The following PDGFC variants were observed in gnomAD, a reference collection of about 807,000 sequenced individuals.
The protein encoded by PDGFC is platelet derived growth factor C, also known as platelet-derived growth factor C.
In PDGFC, 12 loss-of-function variants were observed where a neutral mutation model predicts 35.5. The ratio of observed to expected loss-of-function variants is 0.34; its 90% CI spans 0.22 to 0.55. PDGFC has a LOEUF of 0.55. PDGFC is among the 20% of genes least tolerant of loss of function. The pLI is 0.91. For synonymous variants in PDGFC, 159 were observed against 148.8 expected (o/e 1.07, Z -0.50); for missense variants, 322 against 412.4 (o/e 0.78, Z 1.90).
chr4:156,892,256 G>C (rs1234060664), intron 1 of PDGFC, among the ~76,000 whole-genome samples: 1 of 152,162 alleles, frequency 6.6e-6, no homozygotes, highest in African/African-American at 2.4e-5. Context: ...AATAATCACA[G>C]TGAGTTTTCT....
chr4:156,902,353 C>A (rs1451970839), intron 1 of PDGFC, among the ~76,000 whole-genome samples: 1 of 152,110 alleles, frequency 6.6e-6, no homozygotes, highest in Non-Finnish European at 1.5e-5. Context: ...TAAAATGAAA[C>A]TAACATAAAG....
intron 1 of PDGFC, among the ~76,000 whole-genome samples, chr4:156,941,810 C>G (rs1159548517): frequency 1.3e-5 from 2 of 151,772 alleles, no homozygotes; most frequent in Admixed American, 6.6e-5. Flanking sequence ...TTCTGAGAGT[C>G]CTGAGATATG....
chr4:156,770,088 G>C (rs941958142), intron 4 of PDGFC: 2 of 151,984 alleles, frequency 1.3e-5, no homozygotes, highest in Non-Finnish European at 2.9e-5. Context: ...TAAAAGGTTA[G>C]ACAGATTTCC....
chr4:156,854,561 T>C lies in PDGFC; in HGVS notation c.119-4145A>G, dbSNP rs535791048. On this transcript the variant is annotated intron_variant, in intron 1 of 5. Coordinates refer to ENST00000502773, the MANE Select transcript of PDGFC (RefSeq NM_016205.3). ...AGGTTTGCCACCAAACACTTATGAT[T>C]TGCAGATGACTGTCAAAGTTTTATG... Among the ~76,000 whole-genome samples, 25 of 152,260 alleles carry C rather than the reference T, an allele frequency of 1.6e-4. No homozygotes were observed. The South Asian group carries it at 5.2e-3, about 32-fold the overall frequency.
intron 3 of PDGFC, among the ~76,000 whole-genome samples, chr4:156,778,871 T>C (rs944614210): frequency 6.6e-6 from 1 of 152,214 alleles, no homozygotes; most frequent in Non-Finnish European, 1.5e-5. Flanking sequence ...ATAGTACACT[T>C]CAAACTGATA....
At chr4:156,855,479 T>A (rs1729552018) in intron 1 of PDGFC, among the ~76,000 whole-genome samples, 1 of 152,206 alleles carries the variant, frequency 6.6e-6, no homozygotes, top group African/African-American at 2.4e-5. Flanking sequence ...ATTCTGCTCC[T>A]CTGTTTCATG....
At chr4:156,967,973 A>G (rs1250614052) in intron 1 of PDGFC, among the ~76,000 whole-genome samples, 1 of 152,234 alleles carries the variant, frequency 6.6e-6, no homozygotes, top group Non-Finnish European at 1.5e-5. Context: ...TTTGTACAGT[A>G]AAAGTGGCAA....
Position 156,831,537 on chromosome 4 carries a change from G to T in PDGFC, c.314+18684C>A, listed in dbSNP as rs370881498. On this transcript the variant is annotated intron_variant, in intron 2 of 5. Coordinates refer to ENST00000502773, the MANE Select transcript of PDGFC (RefSeq NM_016205.3). ...CGACTCACTGCAACCTCCACCTCCCGAGTTACAGCAATTCTCCTGCCTCAG... is the reference window on the plus strand; with the variant it reads ...CGACTCACTGCAACCTCCACCTCCCTAGTTACAGCAATTCTCCTGCCTCAG... 2.2e-5 allele frequency among the ~76,000 whole-genome samples: 3 copies of T among 136,872 alleles called. No homozygotes were observed. The Admixed American group carries it at 2.4e-4, about 11-fold the overall frequency. 89.8% of individuals were successfully genotyped at this position (136,872 alleles called of 152,430 possible).
At chr4:156,845,657 G>A (rs1729308854) in intron 2 of PDGFC, among the ~76,000 whole-genome samples, 1 of 151,778 alleles carries the variant, frequency 6.6e-6, no homozygotes, top group African/African-American at 2.4e-5. Context: ...CTGTGGAAGA[G>A]GCCAATTTTG....
At chr4:156,840,705 C>A (rs1729180988) in intron 2 of PDGFC, among the ~76,000 whole-genome samples, 1 of 152,160 alleles carries the variant, frequency 6.6e-6, no homozygotes, top group Non-Finnish European at 1.5e-5. Flanking sequence ...CCTTTGAGAG[C>A]AGCTGAGAGT....
intron 2 of PDGFC, among the ~76,000 whole-genome samples, chr4:156,816,257 T>C (rs146386503): frequency 6.6e-6 from 1 of 152,136 alleles, no homozygotes; most frequent in Non-Finnish European, 1.5e-5. Context: ...AACAAATGAA[T>C]GTGGATTTTA....
intron 1 of PDGFC, chr4:156,861,560 T>C: frequency 2.0e-6 from 1 of 493,472 alleles, no homozygotes; most frequent in Non-Finnish European, 3.5e-6. Flanking sequence ...TGGTTCAGAA[T>C]CTTCAATTTC....
At chr4:156,850,670 C>T (rs187337405) in intron 1 of PDGFC, among the ~76,000 whole-genome samples, 184 of 152,124 alleles carry the variant, frequency 1.2e-3, no homozygotes, top group African/African-American at 3.5e-3. Flanking sequence ...ATTACTGAAA[C>T]GTCAACTACA....
chr4:156,957,421 G>T (rs2110959601), intron 1 of PDGFC, among the ~76,000 whole-genome samples: 1 of 151,856 alleles, frequency 6.6e-6, no homozygotes, highest in Non-Finnish European at 1.5e-5. Context: ...GCTACTCATT[G>T]GTCTTCATTT....
intron 3 of PDGFC, among the ~76,000 whole-genome samples, chr4:156,792,029 A>T (rs72974664): frequency 1.3e-5 from 2 of 152,226 alleles, no homozygotes; most frequent in South Asian, 4.1e-4. Context: ...AGGGATATTT[A>T]AAAAGCAATT....
intron 3 of PDGFC, among the ~76,000 whole-genome samples, chr4:156,781,180 T>C (rs1730970824): frequency 6.6e-6 from 1 of 152,178 alleles, no homozygotes; most frequent in South Asian, 2.1e-4. Context: ...ACTTTGCTCC[T>C]CTCTTTTCTG....
At chr4:156,883,640 C>A (rs146695001) in intron 1 of PDGFC, among the ~76,000 whole-genome samples, 63 of 152,262 alleles carry the variant, frequency 4.1e-4, no homozygotes, top group African/African-American at 1.5e-3. Flanking sequence ...TACTACTATA[C>A]ATCATTGAAC....
At chr4:156,781,531 C>T (rs1043166427) in intron 3 of PDGFC, among the ~76,000 whole-genome samples, 6 of 152,084 alleles carry the variant, frequency 3.9e-5, no homozygotes, top group African/African-American at 9.7e-5. Context: ...AATGGAAGGG[C>T]TTTGTACAGA....
At chr4:156,954,750 C>T (rs2110951033) in intron 1 of PDGFC, among the ~76,000 whole-genome samples, 1 of 151,974 alleles carries the variant, frequency 6.6e-6, no homozygotes, top group South Asian at 2.1e-4. Context: ...TCCAGTTAGC[C>T]CCTTGTAGTT....
Sources: allele counts gnomAD v4.1 joint callset (sites outside exome capture counted in the v4.1 genomes callset), GRCh38; gene constraint gnomAD v4.1.1; transcripts MANE v1.5; gene names NCBI Gene and HGNC (gene_info 2026-07-23, HGNC 2026-07-21).